Variants in SLC27A6 observed in about 807,000 individuals in gnomAD.
The protein encoded by SLC27A6 is solute carrier family 27 member 6.
In SLC27A6, 74 loss-of-function variants were observed where a neutral mutation model predicts 63.9. That is an observed-to-expected ratio of 1.16 (90% CI 0.96 to 1.40). SLC27A6 has a LOEUF of 1.40. Ranked by LOEUF, SLC27A6 falls within the 40% of genes most tolerant of loss-of-function variation. The pLI, the probability that SLC27A6 is intolerant of heterozygous loss-of-function variation, is 0.00. For missense variants in SLC27A6, 794 were observed against 732.9 expected (o/e 1.08, Z -0.96); for synonymous variants, 287 against 260.8 (o/e 1.10, Z -0.97).
chr5:128,970,027 G>A (rs1375751125), intron 1 of SLC27A6, among the ~76,000 whole-genome samples: 1 of 151,854 alleles, frequency 6.6e-6, no homozygotes, highest in African/African-American at 2.4e-5. Flanking sequence ...ATAATCATGT[G>A]GTTTTTGTCT....
chr5:128,998,983 G>A (rs551306888), intron 4 of SLC27A6, among the ~76,000 whole-genome samples: 1 of 152,212 alleles, frequency 6.6e-6, no homozygotes, highest in African/African-American at 2.4e-5. Context: ...GTGACATAGG[G>A]CAATTCATTG....
intron 1 of SLC27A6, among the ~76,000 whole-genome samples, chr5:128,976,846 C>A (rs1750406162): frequency 6.6e-6 from 1 of 152,072 alleles, no homozygotes; most frequent in African/African-American, 2.4e-5. Flanking sequence ...TGAAAGAGTT[C>A]CGGGTAATTG....
chr5:129,016,380 A>G (rs1316679353), intron 5 of SLC27A6, among the ~76,000 whole-genome samples: 1 of 132,068 alleles, frequency 7.6e-6, no homozygotes, highest in Non-Finnish European at 1.5e-5. Flanking sequence ...TGGGCGACAG[A>G]GCGAGACTCT....
chr5:128,997,870 A>G (rs547826292), intron 4 of SLC27A6, among the ~76,000 whole-genome samples: 19 of 152,188 alleles, frequency 1.2e-4, no homozygotes, highest in Non-Finnish European at 2.1e-4. Context: ...TTCTCTTTAT[A>G]TAAAATAAGT....
chr5:128,977,353 C>A (rs1488313531), intron 1 of SLC27A6, among the ~76,000 whole-genome samples: 1 of 152,042 alleles, frequency 6.6e-6, no homozygotes, highest in African/African-American at 2.4e-5. Context: ...GCAAAGAGAG[C>A]TTTATGATTG....
intron 5 of SLC27A6, among the ~76,000 whole-genome samples, chr5:129,020,734 C>G (rs1148738): frequency 0.26 from 39,424 of 151,890 alleles, 5,968 homozygotes; most frequent in Non-Finnish European, 0.35. Flanking sequence ...CCCACAAGAC[C>G]ACTCCCATTT....
At chr5:128,978,700 A>G (rs1004604339) in intron 1 of SLC27A6, among the ~76,000 whole-genome samples, 1 of 152,194 alleles carries the variant, frequency 6.6e-6, no homozygotes, top group East Asian at 1.9e-4. Context: ...TTAAGGTTCT[A>G]TTTCAAAGAA....
At chr5:129,021,787 G>A (rs1752084709) in intron 5 of SLC27A6, among the ~76,000 whole-genome samples, 2 of 149,762 alleles carry the variant, frequency 1.3e-5, no homozygotes, top group South Asian at 4.2e-4. Context: ...AGAAAATGCT[G>A]TGATATATTT....
intron 1 of SLC27A6, among the ~76,000 whole-genome samples, chr5:128,979,007 G>A (rs907437633): frequency 6.6e-6 from 1 of 152,026 alleles, no homozygotes. Context: ...TGTGTAGTGG[G>A]CTATATCACT....
intron 4 of SLC27A6, among the ~76,000 whole-genome samples, chr5:128,996,538 G>C (rs1751166124): frequency 6.6e-6 from 1 of 152,012 alleles, no homozygotes; most frequent in Non-Finnish European, 1.5e-5. Flanking sequence ...TTTTTCATTA[G>C]TAATGCTTAG....
Position 129,023,675 on chromosome 5 carries a change from G to T in SLC27A6, c.1220G>T (p.Arg407Ile), listed in dbSNP as rs748841876. The T allele has an allele frequency of 6.2e-7, 1 of 1,610,312 alleles. No individual in the cohort carries two copies. ...GACTTTCAGAAAGATGAACCCATGAGAAATGAGCAGGGTTGGTGTATTCAT... is the reference window on the plus strand; with the variant it reads ...GACTTTCAGAAAGATGAACCCATGATAAATGAGCAGGGTTGGTGTATTCAT... The part of the protein sequence containing the change: ...KYDFQKDEPM[R>I]NEQGWCIHVK... Residue 407 changes from arginine to isoleucine, a missense_variant, in exon 6 of 10, where the codon AGA (arginine) becomes ATA (isoleucine). Coordinates refer to ENST00000262462, the MANE Select transcript of SLC27A6 (RefSeq NM_001017372.3).
intron 4 of SLC27A6, among the ~76,000 whole-genome samples, chr5:128,996,582 G>GT (rs750748342): frequency 1.6e-4 from 25 of 151,630 alleles, no homozygotes; most frequent in Admixed American, 6.6e-4. Context: ...GAGTTTACAG[G>GT]TTTTTTTTTA....
At chr5:128,968,208 G>C (rs1749985965) in intron 1 of SLC27A6, among the ~76,000 whole-genome samples, 1 of 152,174 alleles carries the variant, frequency 6.6e-6, no homozygotes, top group Non-Finnish European at 1.5e-5. Context: ...TGAGAAAAGT[G>C]CCGCAATAAA....
intron 1 of SLC27A6, among the ~76,000 whole-genome samples, chr5:128,982,788 T>C (rs10065480): frequency 0.24 from 36,940 of 152,196 alleles, 5,174 homozygotes; most frequent in Non-Finnish European, 0.31. Flanking sequence ...GATGTGTGTG[T>C]GTTAAGTAGA....
At chr5:128,989,505 A>T (rs1750901945) in intron 3 of SLC27A6, among the ~76,000 whole-genome samples, 1 of 152,226 alleles carries the variant, frequency 6.6e-6, no homozygotes, top group African/African-American at 2.4e-5. Flanking sequence ...TGAAGATGAG[A>T]TATTAAAAGA....
chr5:129,003,115 G>A (rs553598211), intron 4 of SLC27A6, among the ~76,000 whole-genome samples: 1 of 152,286 alleles, frequency 6.6e-6, no homozygotes, highest in African/African-American at 2.4e-5. Flanking sequence ...ATCTGTGTGT[G>A]TGCGTGTGCC....
chr5:128,989,808 C>G (rs1404442309), intron 3 of SLC27A6, among the ~76,000 whole-genome samples: 1 of 151,576 alleles, frequency 6.6e-6, no homozygotes, highest in Non-Finnish European at 1.5e-5. Context: ...CCTGTAGTCC[C>G]AGCTACTCGG....
At chr5:128,975,016 C>T (rs1010439888) in intron 1 of SLC27A6, among the ~76,000 whole-genome samples, 1 of 152,162 alleles carries the variant, frequency 6.6e-6, no homozygotes, top group Admixed American at 6.5e-5. Flanking sequence ...CTAGTATATA[C>T]AGTCATGAAT....
chr5:129,026,480 A>G (rs932707828), intron 6 of SLC27A6, among the ~76,000 whole-genome samples: 1 of 152,198 alleles, frequency 6.6e-6, no homozygotes, highest in African/African-American at 2.4e-5. Flanking sequence ...TTTCCAGAAT[A>G]GCATCCCAGA....
Sources: allele counts gnomAD v4.1 joint callset (sites outside exome capture counted in the v4.1 genomes callset), GRCh38; gene constraint gnomAD v4.1.1; transcripts MANE v1.5; gene names NCBI Gene and HGNC (gene_info 2026-07-23, HGNC 2026-07-21).